The following AFF3 variants were observed in gnomAD, a reference collection of about 807,000 sequenced individuals.
AFF3 encodes ALF transcription elongation factor 3.
In AFF3, 32 loss-of-function variants were observed where a neutral mutation model predicts 129.7. That is an observed-to-expected ratio of 0.25 (90% CI 0.19 to 0.33). The LOEUF (loss-of-function observed/expected upper bound fraction) is 0.33. Among genes scored for constraint, AFF3 ranks in the 10% least tolerant of loss-of-function variants. AFF3 has a pLI of 1.00. For synonymous variants in AFF3, 644 were observed against 635.4 expected (o/e 1.01, Z -0.20); for missense variants, 1,373 against 1,592.0 (o/e 0.86, Z 2.34).
In AFF3 at chr2:99,774,536, G is replaced by A. The variant is rs531331307; in HGVS notation, c.922-22235C>T. On this transcript the variant is annotated intron_variant, in intron 8 of 24. Coordinates refer to ENST00000672756, the MANE Select transcript of AFF3 (RefSeq NM_001386135.1). ...AATTGTGCTGAGAGAACTGACTAGC[G>A]ATATGCAGAAAACTGAAACTGGACC... Among the ~76,000 whole-genome samples, 46 of 152,088 alleles carry A rather than the reference G, an allele frequency of 3.0e-4. No individual in the cohort carries two copies. In the South Asian group the frequency reaches 4.0e-3, roughly 13 times the overall value.
rs866769084 is a variant in AFF3 at position 99,565,577 on chromosome 2, G to A, written c.3029C>T (p.Ser1010Leu). Residue 1010 changes from serine to leucine, a missense_variant, in exon 20 of 25, where the codon TCG becomes TTG. Around this residue, in one of 9 missense-constraint regions of AFF3, gnomAD observed 65 missense variants for 102.1 expected, o/e 0.64. Coordinates refer to ENST00000672756, the MANE Select transcript of AFF3 (RefSeq NM_001386135.1). ...KALNYAEAAL[S>L]FIECGNAMEQ... Reference sequence around the variant, plus strand: ...CATTGCATTTCCACACTCGATAAACGACAATGCTGCTTCAGCATAGTTCAA... The same window carrying A: ...CATTGCATTTCCACACTCGATAAACAACAATGCTGCTTCAGCATAGTTCAA... 6.2e-7 allele frequency: 1 copy of A among 1,614,110 alleles called. No homozygotes were observed. The highest frequency in any genetic ancestry group is 8.5e-7 in the Non-Finnish European group (1 of 1,180,008).
intron 5 of AFF3, among the ~76,000 whole-genome samples, chr2:100,008,477 CCTA>C (rs1314134367): frequency 6.6e-6 from 1 of 152,022 alleles, no homozygotes; most frequent in Non-Finnish European, 1.5e-5. Flanking sequence ...GTGTTTGTTT[CCTA>C]CGATCTGAGA....
intron 8 of AFF3, among the ~76,000 whole-genome samples, chr2:99,833,824 T>C (rs950758111): frequency 1.3e-5 from 2 of 152,332 alleles, no homozygotes; most frequent in East Asian, 1.9e-4. Flanking sequence ...CCATGAAGCC[T>C]TCTAGCCCTG....
chr2:99,742,722 C>T (rs1011141459), intron 10 of AFF3, among the ~76,000 whole-genome samples: 3 of 152,116 alleles, frequency 2.0e-5, no homozygotes, highest in East Asian at 1.9e-4. Context: ...AAAAATGACT[C>T]GTTATTAGCC....
chr2:99,558,392 G>A (rs1184775428), intron 22 of AFF3, among the ~76,000 whole-genome samples: 5 of 152,180 alleles, frequency 3.3e-5, no homozygotes, highest in Admixed American at 6.5e-5. Flanking sequence ...AGGTGGAGGC[G>A]GGGAGATCAC....
intron 4 of AFF3, among the ~76,000 whole-genome samples, chr2:100,078,193 G>A (rs750794330): frequency 2.2e-4 from 34 of 152,296 alleles, no homozygotes; most frequent in Admixed American, 7.8e-4. Context: ...CCGTTCACAG[G>A]CTCAGCCCAG....
chr2:100,005,683 C>G (rs1681906534), intron 7 of AFF3, among the ~76,000 whole-genome samples: 1 of 152,200 alleles, frequency 6.6e-6, no homozygotes, highest in South Asian at 2.1e-4. Context: ...GTAAACATCT[C>G]ATAGATTAAA....
At chr2:99,919,932 G>A (rs918687603) in intron 7 of AFF3, among the ~76,000 whole-genome samples, 2 of 152,054 alleles carry the variant, frequency 1.3e-5, no homozygotes, top group Non-Finnish European at 2.9e-5. Context: ...AGGGAATGTT[G>A]TGAACAGCAT....
chr2:99,840,959 T>A (rs891405399), intron 7 of AFF3, among the ~76,000 whole-genome samples: 4 of 152,236 alleles, frequency 2.6e-5, no homozygotes, highest in Non-Finnish European at 5.9e-5. Flanking sequence ...AACCATTTCC[T>A]ACTGCATAAT....
intron 7 of AFF3, among the ~76,000 whole-genome samples, chr2:99,893,504 T>C (rs184626913): frequency 1.7e-4 from 26 of 152,290 alleles, no homozygotes; most frequent in African/African-American, 6.3e-4. Context: ...TTGTGATGAG[T>C]GTCCTTGTAA....
chr2:99,897,451 C>T (rs1219032548), intron 7 of AFF3, among the ~76,000 whole-genome samples: 2 of 152,120 alleles, frequency 1.3e-5, no homozygotes, highest in Non-Finnish European at 2.9e-5. Flanking sequence ...CAGACTTACT[C>T]AAAATGTCTC....
chr2:99,919,182 T>C (rs1558975154), intron 7 of AFF3, among the ~76,000 whole-genome samples: 2 of 152,198 alleles, frequency 1.3e-5, no homozygotes, highest in African/African-American at 2.4e-5. Context: ...TTGGGGCACC[T>C]AATTCTTCTT....
intron 11 of AFF3, among the ~76,000 whole-genome samples, chr2:99,683,724 T>G (rs1674757480): frequency 6.6e-6 from 1 of 152,194 alleles, no homozygotes; most frequent in African/African-American, 2.4e-5. Flanking sequence ...TATAGCCATT[T>G]ACTTTCTCTA....
intron 4 of AFF3, among the ~76,000 whole-genome samples, chr2:100,072,421 G>A (rs1688263490): frequency 6.6e-6 from 1 of 152,120 alleles, no homozygotes; most frequent in Non-Finnish European, 1.5e-5. Flanking sequence ...CACGAAACCG[G>A]TCCCTGGTGC....
chr2:100,044,357 C>T (rs1233619792), intron 4 of AFF3, among the ~76,000 whole-genome samples: 1 of 152,184 alleles, frequency 6.6e-6, no homozygotes, highest in Non-Finnish European at 1.5e-5. Context: ...CACTAAGATA[C>T]AAATAAAGAG....
At chr2:99,706,506 G>C (rs1322417593) in intron 11 of AFF3, among the ~76,000 whole-genome samples, 1 of 152,182 alleles carries the variant, frequency 6.6e-6, no homozygotes, top group Non-Finnish European at 1.5e-5. Context: ...AAAGAGCCTG[G>C]CTTTGGAAGT....
At chr2:99,743,295 A>T (rs1439415657) in intron 10 of AFF3, among the ~76,000 whole-genome samples, 1 of 152,152 alleles carries the variant, frequency 6.6e-6, no homozygotes, top group Non-Finnish European at 1.5e-5. Context: ...TCTCCGGCCC[A>T]TTTGCCTCAC....
intron 7 of AFF3, among the ~76,000 whole-genome samples, chr2:99,875,372 C>T (rs1166161984): frequency 6.6e-6 from 1 of 152,216 alleles, no homozygotes; most frequent in African/African-American, 2.4e-5. Context: ...AGTCCCCTCA[C>T]TTCCACTTCT....
At chr2:99,837,160 G>T (rs552602047) in intron 8 of AFF3, among the ~76,000 whole-genome samples, 2 of 152,272 alleles carry the variant, frequency 1.3e-5, no homozygotes, top group South Asian at 4.2e-4. Context: ...ATTAAAGGAT[G>T]CTTTTAAATA....
Sources: allele counts gnomAD v4.1 joint callset (sites outside exome capture counted in the v4.1 genomes callset), GRCh38; gene constraint gnomAD v4.1.1; regional missense constraint gnomAD v4.1.1; transcripts MANE v1.5; gene names NCBI Gene and HGNC (gene_info 2026-07-23, HGNC 2026-07-21).